Variants in DLC1 observed in about 807,000 individuals in gnomAD.
The protein encoded by DLC1 is rho GTPase-activating protein 7.
A neutral mutation model predicts 140.3 loss-of-function variants in DLC1; 54 were observed. That is an observed-to-expected ratio of 0.38 (90% CI 0.31 to 0.48). The LOEUF is 0.48. Ranked by LOEUF, DLC1 falls within the 20% of genes least tolerant of loss-of-function variation. DLC1 has a pLI of 0.96. For missense variants in DLC1, 2,536 were observed against 1,907.0 expected (o/e 1.33, Z -6.14); for synonymous variants, 986 against 728.1 (o/e 1.35, Z -5.70).
chr8:13,240,194 G>T (rs1448199310), intron 5 of DLC1, among the ~76,000 whole-genome samples: 1 of 152,054 alleles, frequency 6.6e-6, no homozygotes, highest in South Asian at 2.1e-4. Context: ...AGTTTACCAG[G>T]CTGGACTTGC....
intron 5 of DLC1, among the ~76,000 whole-genome samples, chr8:13,152,760 C>G (rs185589151): frequency 2.3e-5 from 3 of 128,216 alleles, no homozygotes; most frequent in African/African-American, 8.9e-5. Flanking sequence ...AAGGCTGAAG[C>G]AAACCATGAT....
At chr8:13,457,642 A>C (rs1453797119) in intron 2 of DLC1, among the ~76,000 whole-genome samples, 4 of 134,870 alleles carry the variant, frequency 3.0e-5, no homozygotes, top group African/African-American at 1.1e-4. Flanking sequence ...GCGCCACTGC[A>C]CTCCAGCCTG....
intron 2 of DLC1, among the ~76,000 whole-genome samples, chr8:13,480,223 G>T (rs1280639692): frequency 6.6e-6 from 1 of 152,036 alleles, no homozygotes; most frequent in Non-Finnish European, 1.5e-5. Flanking sequence ...TTTGATTATT[G>T]GTTAAAATAT....
At chr8:13,170,050 A>G (rs1177641783) in intron 5 of DLC1, among the ~76,000 whole-genome samples, 3 of 152,112 alleles carry the variant, frequency 2.0e-5, no homozygotes, top group Non-Finnish European at 4.4e-5. Flanking sequence ...AAATTAGAGG[A>G]ATATTTCATG....
Position 13,499,484 on chromosome 8 carries a change from T to G in DLC1, c.588A>C (p.Glu196Asp). The G allele has an allele frequency of 6.2e-7, 1 of 1,614,156 alleles. No homozygotes were observed. Among genetic ancestry groups the G allele is most frequent in the Non-Finnish European group, 8.5e-7 (1 of 1,180,008 alleles). ...SISKSLELCNEISLSEIKDAP... is the reference protein window; with the variant it reads ...SISKSLELCNDISLSEIKDAP... ...CATCTTTTATTTCACTTAAGCTTAT[T>G]TCATTGCAAAGCTCCAGGCTTTTAC... Residue 196 changes from glutamate to aspartate, a missense_variant, in exon 2 of 18, where the codon GAA (glutamate) becomes GAC (aspartate). By Grantham distance (45) the Glu-to-Asp change is conservative. Transcript: ENST00000276297.
At chr8:13,318,443 C>A (rs1011888031) in intron 4 of DLC1, among the ~76,000 whole-genome samples, 5 of 152,162 alleles carry the variant, frequency 3.3e-5, no homozygotes, top group Admixed American at 2.0e-4. Context: ...CAAGATCTCA[C>A]CATTAGTAAG....
At chr8:13,149,485 T>C (rs1297495275) in intron 5 of DLC1, among the ~76,000 whole-genome samples, 2 of 152,186 alleles carry the variant, frequency 1.3e-5, no homozygotes, top group African/African-American at 2.4e-5. Context: ...CCCCTGCTAA[T>C]TGTCAGGTCA....
At chr8:13,382,696 T>A (rs1006773556) in intron 4 of DLC1, among the ~76,000 whole-genome samples, 2 of 152,130 alleles carry the variant, frequency 1.3e-5, no homozygotes, top group Non-Finnish European at 2.9e-5. Flanking sequence ...CAAGAAAATA[T>A]GGTCTCAAAA....
intron 4 of DLC1, among the ~76,000 whole-genome samples, chr8:13,320,621 T>C (rs914152229): frequency 2.6e-5 from 4 of 152,030 alleles, no homozygotes; most frequent in Non-Finnish European, 5.9e-5. Context: ...ATGGGAGGTG[T>C]TTGGGTCATG....
intron 4 of DLC1, among the ~76,000 whole-genome samples, chr8:13,317,903 C>T (rs1408704014): frequency 2.0e-5 from 3 of 152,154 alleles, no homozygotes; most frequent in African/African-American, 7.2e-5. Context: ...TAAGTTGCTT[C>T]TGTGACATGG....
At chr8:13,115,927 G>A (rs988089751) in intron 5 of DLC1, among the ~76,000 whole-genome samples, 16 of 152,140 alleles carry the variant, frequency 1.1e-4, no homozygotes, top group African/African-American at 3.9e-4. Flanking sequence ...TGCTGCTTCT[G>A]AAGTGCTCTG....
intron 4 of DLC1, among the ~76,000 whole-genome samples, chr8:13,322,820 C>T (rs73562574): frequency 6.7e-6 from 1 of 149,338 alleles, no homozygotes; most frequent in African/African-American, 2.5e-5. Flanking sequence ...AACACTCCCC[C>T]TTTTAAAAAG....
At chr8:13,568,561 C>T (rs959131163) in intron 1 of DLC1, among the ~76,000 whole-genome samples, 3 of 144,824 alleles carry the variant, frequency 2.1e-5, no homozygotes, top group East Asian at 2.1e-4. Flanking sequence ...AAGTTGAAGC[C>T]GTAGATTGTC....
At chr8:13,119,261 C>G (rs983809244) in intron 5 of DLC1, among the ~76,000 whole-genome samples, 2 of 151,790 alleles carry the variant, frequency 1.3e-5, no homozygotes, top group Non-Finnish European at 2.9e-5. Context: ...GTCTAAACAC[C>G]CTGGCAAGGT....
intron 5 of DLC1, among the ~76,000 whole-genome samples, chr8:13,255,075 C>T (rs545830050): frequency 6.6e-6 from 1 of 152,020 alleles, no homozygotes; most frequent in South Asian, 2.1e-4. Context: ...CTCCTGGGTT[C>T]AAGTGATTCT....
At chr8:13,115,887 T>C (rs1820516909) in intron 5 of DLC1, among the ~76,000 whole-genome samples, 3 of 152,166 alleles carry the variant, frequency 2.0e-5, no homozygotes, top group Non-Finnish European at 4.4e-5. Flanking sequence ...AAAATAGAAA[T>C]GGGGTCCTGA....
At chr8:13,324,873 A>G (rs1833274402) in intron 4 of DLC1, among the ~76,000 whole-genome samples, 1 of 151,942 alleles carries the variant, frequency 6.6e-6, no homozygotes, top group Non-Finnish European at 1.5e-5. Context: ...GTCTGTCTGT[A>G]TTTCTAGGGT....
At chr8:13,573,398 A>G (rs1249183281) in intron 1 of DLC1, among the ~76,000 whole-genome samples, 2 of 152,182 alleles carry the variant, frequency 1.3e-5, no homozygotes, top group East Asian at 1.9e-4. Flanking sequence ...ATAAGAGTGT[A>G]TCTACAACAG....
chr8:13,431,575 A>T (rs986862189), intron 2 of DLC1, among the ~76,000 whole-genome samples: 1 of 144,252 alleles, frequency 6.9e-6, no homozygotes, highest in East Asian at 2.2e-4. Flanking sequence ...TGTCTTTGTG[A>T]TGACTTTGTT....
Sources: allele counts gnomAD v4.1 joint callset (sites outside exome capture counted in the v4.1 genomes callset), GRCh38; gene constraint gnomAD v4.1.1; transcripts MANE v1.5; gene names NCBI Gene and HGNC (gene_info 2026-07-23, HGNC 2026-07-21).